SLC6A6: variants seen among roughly 807,000 people sequenced by gnomAD.
The protein encoded by SLC6A6 is sodium- and chloride-dependent taurine transporter.
In SLC6A6, 16 loss-of-function variants were observed where a neutral mutation model predicts 68.8. That is an observed-to-expected ratio of 0.23 (90% CI 0.16 to 0.35). The LOEUF is 0.35. SLC6A6 is among the 10% of genes least tolerant of loss of function. The probability of loss-of-function intolerance (pLI) is 1.00; values close to 1 mark genes in which losing one functional copy is unlikely to be tolerated. For missense variants in SLC6A6, 474 were observed against 802.8 expected (o/e 0.59, Z 4.95); for synonymous variants, 312 against 315.4 (o/e 0.99, Z 0.12).
chr3:14,439,282 G>A (rs1559295729), intron 2 of SLC6A6, among the ~76,000 whole-genome samples: 2 of 152,236 alleles, frequency 1.3e-5, no homozygotes, highest in Non-Finnish European at 2.9e-5. Flanking sequence ...TTCCACAATA[G>A]GAGTGTTGGA....
At chr3:14,429,403 G>A (rs748098) in intron 2 of SLC6A6, among the ~76,000 whole-genome samples, 83,262 of 152,056 alleles carry the variant, frequency 0.55, 23,655 homozygotes, top group African/African-American at 0.71. Context: ...ATAAATGGCT[G>A]TTGGGATGAT....
chr3:14,475,816 T>A (rs1700865967), intron 10 of SLC6A6, among the ~76,000 whole-genome samples: 1 of 152,120 alleles, frequency 6.6e-6, no homozygotes, highest in African/African-American at 2.4e-5. Flanking sequence ...GACACATGAG[T>A]CAGAGGTCAA....
intron 5 of SLC6A6, among the ~76,000 whole-genome samples, chr3:14,455,009 A>G (rs967035991): frequency 1.2e-4 from 19 of 152,184 alleles, no homozygotes; most frequent in African/African-American, 2.9e-4. Context: ...CCTGCTCCAC[A>G]GTTTACAAGC....
At chr3:14,484,284 A>G (rs1270584336) in intron 14 of SLC6A6, among the ~76,000 whole-genome samples, 5 of 152,210 alleles carry the variant, frequency 3.3e-5, no homozygotes, top group Non-Finnish European at 7.3e-5. Flanking sequence ...GGGCAGCTCA[A>G]ATGCGAGCAA....
At chr3:14,433,802 CAAAAAAAAAAAAAAA>C (rs67806643) in intron 2 of SLC6A6, among the ~76,000 whole-genome samples, 1 of 77,512 alleles carries the variant, frequency 1.3e-5, no homozygotes, top group East Asian at 4.7e-4. Flanking sequence ...GACTCTGTCT[CAAAAAAAAAAAAAAA>C]AAAAAAAAAA....
chr3:14,459,509 C>A (rs1057274557), intron 6 of SLC6A6, among the ~76,000 whole-genome samples: 1 of 152,066 alleles, frequency 6.6e-6, no homozygotes, highest in Admixed American at 6.6e-5. Context: ...GCAGAACCAC[C>A]CTGCCATCCT....
intron 2 of SLC6A6, among the ~76,000 whole-genome samples, chr3:14,429,042 C>T (rs562694938): frequency 4.6e-5 from 7 of 152,176 alleles, no homozygotes; most frequent in African/African-American, 1.7e-4. Flanking sequence ...CTGCACCCCC[C>T]TACCCCCAGG....
At chr3:14,469,305 G>A (rs1318342862) in intron 9 of SLC6A6, among the ~76,000 whole-genome samples, 5 of 152,084 alleles carry the variant, frequency 3.3e-5, no homozygotes, top group African/African-American at 1.2e-4. Context: ...CTCCTTCCAA[G>A]CCGAAGGGAG....
chr3:14,424,329 C>G (rs369652914), intron 2 of SLC6A6, among the ~76,000 whole-genome samples: 9 of 150,544 alleles, frequency 6.0e-5, no homozygotes, highest in African/African-American at 2.2e-4. Context: ...GGGAGGGCCT[C>G]TTGAAGGTGC....
chr3:14,451,472 G>C (rs540757572), intron 5 of SLC6A6, among the ~76,000 whole-genome samples: 2 of 152,352 alleles, frequency 1.3e-5, no homozygotes, highest in African/African-American at 2.4e-5. Context: ...GGTTTGGCTA[G>C]AGCATAGGAT....
In SLC6A6 at chr3:14,488,074, C is replaced by G. The variant is rs1257988395; in HGVS notation, c.*3067C>G. ...GGGGCCCTCCTTCCTCCCAGCAGCC[C>G]TTGGTGAGCTAGGAATTGAGATCCC... On this transcript the variant is annotated 3_prime_UTR_variant, in exon 15 of 15. Coordinates refer to ENST00000622186, the MANE Select transcript of SLC6A6 (RefSeq NM_003043.6). The G allele has an allele frequency of 1.3e-5, 2 of 152,778 alleles. No individual in the cohort carries two copies. Among genetic ancestry groups the G allele is most frequent in the Non-Finnish European group, 1.5e-5 (1 of 68,206 alleles). 9.5% of individuals were successfully genotyped at this position (152,778 alleles called of 1,614,324 possible). A position where few individuals can be genotyped will look rare whatever the true frequency, so the allele number is the denominator to read the frequency against.
At chr3:14,457,570 C>T (rs939318662) in intron 5 of SLC6A6, among the ~76,000 whole-genome samples, 1 of 152,192 alleles carries the variant, frequency 6.6e-6, no homozygotes, top group African/African-American at 2.4e-5. Context: ...ACGGAACAAA[C>T]AGTAGAGCTG....
At position 14,466,586 on chromosome 3, in the gene SLC6A6, C is replaced by T. The variant is rs1400003153; in HGVS notation, c.803C>T (p.Pro268Leu). ...LVLLVRGLTL[P>L]GAGAGIKFYL... is the part of the protein sequence containing the mutation. ...CTGCTGGTCCGAGGGCTGACGCTGC[C>T]GGGCGCGGGCGCAGGCATCAAGTTC... The change falls in exon 7 of 15, where the codon CCG (proline) becomes CTG (leucine). Residue 268 changes from proline to leucine, a missense_variant. Transcript: ENST00000622186. 2 of 1,613,580 alleles carry T rather than the reference C, an allele frequency of 1.2e-6. No homozygotes were observed. Among genetic ancestry groups the T allele is most frequent in the Admixed American group, 1.7e-5 (1 of 60,020 alleles).
intron 1 of SLC6A6, among the ~76,000 whole-genome samples, chr3:14,403,556 G>A (rs1262977726): frequency 6.6e-6 from 1 of 152,160 alleles, no homozygotes; most frequent in Non-Finnish European, 1.5e-5. Flanking sequence ...GGGGAGAGGT[G>A]ATAGGGCAGC....
intron 1 of SLC6A6, among the ~76,000 whole-genome samples, chr3:14,412,144 G>A (rs1040685197): frequency 1.3e-5 from 2 of 152,152 alleles, no homozygotes; most frequent in Non-Finnish European, 2.9e-5. Flanking sequence ...GCCACCACAC[G>A]GGGTGCTGTT....
intron 2 of SLC6A6, among the ~76,000 whole-genome samples, chr3:14,426,764 C>T (rs896491471): frequency 7.2e-5 from 11 of 152,072 alleles, no homozygotes; most frequent in Non-Finnish European, 1.0e-4. Flanking sequence ...CCCTCCTCAT[C>T]CCTACCTGGG....
rs1701000969 is a variant in SLC6A6, at chr3:14,481,280, A to G, written c.1552-391A>G. The stretch of plus-strand genomic sequence containing the variant: ...TGGGGGAAAGAGGGCCAGGCAGAGG[A>G]AACAGCCCATGCCAAGACCCAGAGT... On this transcript the variant is annotated intron_variant, in intron 13 of 14. Coordinates refer to ENST00000622186, the MANE Select transcript of SLC6A6 (RefSeq NM_003043.6). The surrounding 1 kb of genome is among the most constrained non-coding windows in gnomAD (Gnocchi z 4.7). Among the ~76,000 whole-genome samples the G allele has an allele frequency of 6.6e-6, 1 of 151,982 alleles. No homozygotes were observed. The highest frequency in any genetic ancestry group is 6.6e-5 in the Admixed American group (1 of 15,262).
Position 14,468,294 on chromosome 3 carries a change from C to CA in SLC6A6, c.1096+83dup, listed in dbSNP as rs1700666726. 7.7e-7 allele frequency: 1 copy of CA among 1,302,274 alleles called. No homozygotes were observed. The highest frequency in any genetic ancestry group is 1.0e-6 in the Non-Finnish European group (1 of 960,606). The allele number at this position is 1,302,274 out of a possible 1,614,324, so 80.7% of individuals were successfully genotyped here. ...GTACTGCAGGCATGAAGCCAGACCC[C>CA]AGGGGGCTTTGAGGGGGGACGAGCC... On this transcript the variant is annotated intron_variant, in intron 9 of 14. Coordinates refer to ENST00000622186, the MANE Select transcript of SLC6A6 (RefSeq NM_003043.6). This position sits in a 1 kb window ranked among gnomAD's most constrained non-coding sequence, Gnocchi z 4.5.
chr3:14,470,332 T>C (rs11928756), intron 9 of SLC6A6, among the ~76,000 whole-genome samples: 37,058 of 152,094 alleles, frequency 0.24, 4,866 homozygotes, highest in African/African-American at 0.33. Flanking sequence ...ACAAGCACCA[T>C]ATTGAGTGAA....
Sources: allele counts gnomAD v4.1 joint callset (sites outside exome capture counted in the v4.1 genomes callset), GRCh38; gene constraint gnomAD v4.1.1; non-coding constraint Gnocchi (gnomAD v3.1); transcripts MANE v1.5; gene names NCBI Gene and HGNC (gene_info 2026-07-23, HGNC 2026-07-21).